The following ST3GAL1 variants were observed in gnomAD, a reference collection of about 807,000 sequenced individuals.
The protein encoded by ST3GAL1 is CMP-N-acetylneuraminate-beta-galactosamide-alpha-2,3-sialyltransferase 1.
A neutral mutation model predicts 34.1 loss-of-function variants in ST3GAL1; 16 were observed. That is an observed-to-expected ratio of 0.47 (90% confidence interval 0.32 to 0.71). The LOEUF (loss-of-function observed/expected upper bound fraction) is 0.71. Among genes scored for constraint, ST3GAL1 ranks in the 30% least tolerant of loss-of-function variants. ST3GAL1 has a pLI of 0.04. For missense variants in ST3GAL1, 353 were observed against 447.4 expected (o/e 0.79, Z 1.90); for synonymous variants, 191 against 184.7 (o/e 1.03, Z -0.28).
At chr8:133,548,528 C>G (rs1310234804) in intron 1 of ST3GAL1, among the ~76,000 whole-genome samples, 3 of 152,224 alleles carry the variant, frequency 2.0e-5, no homozygotes, top group Non-Finnish European at 4.4e-5. Context: ...CCTCACCACC[C>G]AGCACACCAC....
intron 3 of ST3GAL1, among the ~76,000 whole-genome samples, chr8:133,493,424 G>C (rs1375836884): frequency 6.6e-6 from 1 of 152,182 alleles, no homozygotes; most frequent in African/African-American, 2.4e-5. Context: ...GTAATGCTTG[G>C]CCAGCTGGCT....
intron 2 of ST3GAL1, among the ~76,000 whole-genome samples, chr8:133,520,424 C>T (rs1817769393): frequency 6.6e-6 from 1 of 152,316 alleles, no homozygotes; most frequent in Middle Eastern, 3.4e-3. Context: ...GTTCCACTTT[C>T]AACTGAAACA....
At chr8:133,463,717 G>A (rs981952189) in intron 7 of ST3GAL1, among the ~76,000 whole-genome samples, 13 of 152,186 alleles carry the variant, frequency 8.5e-5, no homozygotes, top group African/African-American at 2.9e-4. Flanking sequence ...AAAAAGGTGA[G>A]GAGGACTTGC....
chr8:133,468,726 C>T (rs542741669), intron 5 of ST3GAL1, among the ~76,000 whole-genome samples: 1 of 152,156 alleles, frequency 6.6e-6, no homozygotes, highest in East Asian at 1.9e-4. Flanking sequence ...CCTGAATGTG[C>T]GGAAAACCCC....
chr8:133,531,512 T>G (rs928574745), intron 2 of ST3GAL1, among the ~76,000 whole-genome samples: 2 of 152,160 alleles, frequency 1.3e-5, no homozygotes, highest in African/African-American at 4.8e-5. Context: ...CTCTTGTCTA[T>G]GGTAACCCAG....
rs367691985 is a variant in ST3GAL1 at position 133,459,869 on chromosome 8, G to T, written c.918C>A (p.Ser306=). The T allele has an allele frequency of 6.2e-7, 1 of 1,614,008 alleles. No homozygotes were observed. Among genetic ancestry groups the T allele is most frequent in the Admixed American group, 1.7e-5 (1 of 59,996 alleles). The change falls in exon 10 of 10, where the codon TCC becomes TCA. Residue 306 remains serine (S), a synonymous_variant. Transcript: ENST00000522652. The surrounding 1 kb of genome is among the most constrained non-coding windows in gnomAD (Gnocchi z 4.7). ...NWHHYWENNP[S]AGAFRKTGVH... ...CCCCCGTCTTGCGAAAAGCCCCCGC[G>T]GATGGGTTGTTCTCCCAGTAGTGGT...
Position 133,486,932 on chromosome 8 carries a change from T to G in ST3GAL1, c.-373-10332A>C, listed in dbSNP as rs528403078. On this transcript the variant is annotated intron_variant, in intron 3 of 9. Coordinates refer to ENST00000522652, the MANE Select transcript of ST3GAL1 (RefSeq NM_173344.3). ...CAAATTAATGACTATTGGTTAGTCC[T>G]GAGAGTCACTTTCTTACTTCTTTTT... Among the ~76,000 whole-genome samples the G allele has an allele frequency of 1.1e-4, 16 of 152,366 alleles. 1 individual carries two copies. Among genetic ancestry groups the G allele is most frequent in the African/African-American group, 2.6e-4 (11 of 41,584 alleles).
At chr8:133,504,688 C>T (rs1817282594) in intron 2 of ST3GAL1, among the ~76,000 whole-genome samples, 1 of 152,024 alleles carries the variant, frequency 6.6e-6, no homozygotes, top group Non-Finnish European at 1.5e-5. Context: ...TGAGATAGGA[C>T]CTTCTATGGT....
chr8:133,547,018 A>AAAG (rs3992977), intron 1 of ST3GAL1, among the ~76,000 whole-genome samples: 96,219 of 147,640 alleles, frequency 0.65, 33,099 homozygotes, highest in East Asian at 0.93. Flanking sequence ...AAAAAAAAAA[A>AAAG]AAGACTTCAT....
chr8:133,464,919 A>G lies in ST3GAL1; in HGVS notation c.542T>C (p.Val181Ala), dbSNP rs749743426. The G allele has an allele frequency of 2.0e-5, 33 of 1,613,846 alleles. No homozygotes were observed. The highest frequency in any genetic ancestry group is 2.5e-5 in the Non-Finnish European group (30 of 1,179,926). The part of the protein sequence containing the change: ...KAPTAGFEAD[V>A]GTKTTHHLVY... ...CAGATGGTGGGTGGTCTTGGTCCCA[A>G]CATCAGCTTCAAACCCTGCCGTGGG... The change falls in exon 7 of 10, where the codon GTT (valine) becomes GCT (alanine). Residue 181 changes from valine to alanine, a missense_variant. Physicochemically the swap from Val to Ala is moderately conservative, Grantham distance 64. Transcript: ENST00000522652.
At chr8:133,549,660 C>T (rs1818784428) in intron 1 of ST3GAL1, among the ~76,000 whole-genome samples, 1 of 151,848 alleles carries the variant, frequency 6.6e-6, no homozygotes, top group South Asian at 2.1e-4. Context: ...AACCTGGAGG[C>T]TTATCTTAAA....
rs1491342730 is a variant in ST3GAL1, at chr8:133,551,603, A to AAAGAAAGAAAGG, written c.-581-5678_-581-5677insCCTTTCTTTCTT. ...GAAAGAAAGAAAGAAAGAAAGAAAG[A>AAAGAAAGAAAGG]AAGAAAGAAAGAAAGAGCGAGCAAG... On this transcript the variant is annotated intron_variant, in intron 1 of 9. Transcript: ENST00000522652. 2.5e-3 allele frequency among the ~76,000 whole-genome samples: 368 copies of AAAGAAAGAAAGG among 149,592 alleles called. 1 individual carries two copies. Among genetic ancestry groups the AAAGAAAGAAAGG allele is most frequent in the African/African-American group, 8.6e-3 (339 of 39,556 alleles).
chr8:133,553,306 C>T (rs1202529286), intron 1 of ST3GAL1, among the ~76,000 whole-genome samples: 1 of 152,156 alleles, frequency 6.6e-6, no homozygotes, highest in Non-Finnish European at 1.5e-5. Flanking sequence ...AGTTCCTGTA[C>T]CCCAGCATCC....
intron 6 of ST3GAL1, 66 bp from the exon 7 acceptor site, chr8:133,465,023 C>A: frequency 6.6e-7 from 1 of 1,519,074 alleles, no homozygotes; most frequent in Non-Finnish European, 8.9e-7. Flanking sequence ...AGCCTGAGAG[C>A]TCCGAGAGAG....
rs762137340 is a variant in ST3GAL1, at chr8:133,464,964, G to A, written c.504-7C>T. 18 of 1,610,808 alleles carry A rather than the reference G, an allele frequency of 1.1e-5. No homozygotes were observed. The highest frequency in any genetic ancestry group is 1.4e-5 in the Non-Finnish European group (17 of 1,177,812). ...CGTGGGCGCCTTGTTCATCCTGGGA[G>A]AGAAGGGGAGAAAGCTGAGTCTTGT... On this transcript the variant is annotated splice_polypyrimidine_tract_variant and splice_region_variant and intron_variant, in intron 6 of 9. Transcript: ENST00000522652.
At chr8:133,470,820 G>A (rs778814595) in intron 5 of ST3GAL1, among the ~76,000 whole-genome samples, 3 of 152,124 alleles carry the variant, frequency 2.0e-5, no homozygotes, top group South Asian at 2.1e-4. Context: ...GCCCGAGAGC[G>A]GACATCTCCT....
chr8:133,505,822 C>T (rs909538265), intron 2 of ST3GAL1, among the ~76,000 whole-genome samples: 3 of 151,976 alleles, frequency 2.0e-5, no homozygotes, highest in African/African-American at 7.3e-5. Flanking sequence ...AGGCTAGTCT[C>T]GAACTCCTGA....
In ST3GAL1 at chr8:133,571,014, G is replaced by A. The variant is rs1819551424; in HGVS notation, c.-582+679C>T. ...ACCCGCGTCCCCCACTGTCCGCCAC[G>A]CCGCGTTCAGCTCTCTTGTCCCGGG... is the stretch of plus-strand genomic sequence containing the variant. On this transcript the variant is annotated intron_variant, in intron 1 of 9. Transcript: ENST00000522652. This position sits in a 1 kb window ranked among gnomAD's most constrained non-coding sequence, Gnocchi z 6.7. Among the ~76,000 whole-genome samples, 1 of 152,220 alleles carries A rather than the reference G, an allele frequency of 6.6e-6. No individual in the cohort carries two copies. Among genetic ancestry groups the A allele is most frequent in the South Asian group, 2.1e-4 (1 of 4,836 alleles).
At chr8:133,499,102 G>C (rs1182273325) in intron 3 of ST3GAL1, 33 bp downstream of exon 3, 1 of 152,260 alleles carries the variant, frequency 6.6e-6, no homozygotes, top group East Asian at 1.9e-4. Context: ...GAGTGAAAGA[G>C]AGCTGGGTTC....
Sources: gnomAD v4.1 joint callset for allele counts (sites outside exome capture counted in the v4.1 genomes callset) on GRCh38, gnomAD v4.1.1 for gene constraint, Gnocchi (gnomAD v3.1) non-coding constraint, MANE v1.5 for transcripts, NCBI Gene and HGNC (gene_info 2026-07-23, HGNC 2026-07-21) for gene names.